The following DMXL1 variants were observed in gnomAD, a reference collection of about 807,000 sequenced individuals.
DMXL1 encodes the protein dmX-like protein 1.
Under a neutral mutation model 319.2 loss-of-function variants are expected in DMXL1, and 99 were observed. The ratio of observed to expected loss-of-function variants is 0.31; its 90% CI spans 0.26 to 0.37. The LOEUF (loss-of-function observed/expected upper bound fraction) is 0.37. DMXL1 is among the 10% of genes least tolerant of loss of function. DMXL1 has a pLI of 1.00. For missense variants in DMXL1, 3,745 were observed against 3,595.6 expected (o/e 1.04, Z -1.06); for synonymous variants, 1,385 against 1,235.2 (o/e 1.12, Z -2.54).
intron 19 of DMXL1, chr5:119,154,563 T>C (rs2150165078): frequency 1.2e-5 from 2 of 160,790 alleles, no homozygotes; most frequent in East Asian, 1.8e-4. Context: ...ACAATTAAAG[T>C]TTGAAGCTAG....
At chr5:119,127,808 A>T (rs911281885) in intron 9 of DMXL1, 1 of 266,510 alleles carries the variant, frequency 3.8e-6, no homozygotes, top group African/African-American at 2.3e-5. Flanking sequence ...ATTTAATTTT[A>T]TGTTCTTAGA....
chr5:119,223,588 A>C (rs952083435), intron 37 of DMXL1, among the ~76,000 whole-genome samples: 3 of 152,178 alleles, frequency 2.0e-5, no homozygotes, highest in African/African-American at 7.2e-5. Context: ...ATTTCGGATA[A>C]CTGTGATTTG....
intron 19 of DMXL1, 142 bp from the exon 20 acceptor site, chr5:119,164,365 A>C: frequency 2.7e-6 from 2 of 748,036 alleles, no homozygotes; most frequent in Non-Finnish European, 4.1e-6. Context: ...GGAAAAACTT[A>C]AAAAAGCCCA....
At chr5:119,199,624 T>C (rs1345082586) in intron 32 of DMXL1, among the ~76,000 whole-genome samples, 1 of 152,222 alleles carries the variant, frequency 6.6e-6, no homozygotes, top group East Asian at 1.9e-4. Context: ...TGTTTTTAGC[T>C]CTTTGAGGAA....
chr5:119,125,301 T>A (rs1213556129), intron 9 of DMXL1, among the ~76,000 whole-genome samples: 1 of 152,186 alleles, frequency 6.6e-6, no homozygotes, highest in Non-Finnish European at 1.5e-5. Context: ...AAAGATTGAT[T>A]CATTAGCTTT....
At chr5:119,228,066 C>T (rs1489451419) in intron 38 of DMXL1, among the ~76,000 whole-genome samples, 6 of 152,054 alleles carry the variant, frequency 3.9e-5, no homozygotes, top group Non-Finnish European at 8.8e-5. Context: ...ATTAAAAAAC[C>T]ATAGATTTTC....
chr5:119,178,665 C>T (rs1776267525), intron 28 of DMXL1: 9 of 985,140 alleles, frequency 9.1e-6, no homozygotes, highest in Non-Finnish European at 1.1e-5. Flanking sequence ...GCCATCAGTT[C>T]TCATAGCCCT....
At chr5:119,086,027 T>A (rs920198589) in intron 1 of DMXL1, among the ~76,000 whole-genome samples, 36 of 152,190 alleles carry the variant, frequency 2.4e-4, no homozygotes, top group Middle Eastern at 3.2e-3. Context: ...ATGCTGCTGA[T>A]AAAGACATAC....
At chr5:119,236,144 T>G (rs890805734) in intron 39 of DMXL1, among the ~76,000 whole-genome samples, 2 of 152,094 alleles carry the variant, frequency 1.3e-5, no homozygotes, top group African/African-American at 4.8e-5. Flanking sequence ...GCCTTCTACC[T>G]TCACTAATAA....
At chr5:119,123,541 C>T (rs1345982796) in intron 9 of DMXL1, among the ~76,000 whole-genome samples, 2 of 152,090 alleles carry the variant, frequency 1.3e-5, no homozygotes, top group African/African-American at 4.8e-5. Flanking sequence ...AAGGCCATGA[C>T]TTGACTTGTG....
At chr5:119,103,305 C>G (rs948844135) in intron 3 of DMXL1, among the ~76,000 whole-genome samples, 4 of 152,160 alleles carry the variant, frequency 2.6e-5, no homozygotes, top group Admixed American at 1.3e-4. Context: ...AAGGACTAAA[C>G]TGTTTTAATA....
chr5:119,116,660 T>G (rs1760912059), intron 7 of DMXL1, among the ~76,000 whole-genome samples: 1 of 152,246 alleles, frequency 6.6e-6, no homozygotes. Flanking sequence ...GATTGTTGTT[T>G]GTTTATATTT....
intron 19 of DMXL1, among the ~76,000 whole-genome samples, chr5:119,155,826 C>CAAAAAAAAA (rs35851317): frequency 3.5e-5 from 3 of 84,840 alleles, no homozygotes; most frequent in Non-Finnish European, 7.5e-5. Flanking sequence ...GACCCTGTCT[C>CAAAAAAAAA]AAAAAAAAAA....
In DMXL1 at chr5:119,203,324, A is replaced by G; in HGVS notation, c.7751A>G (p.Lys2584Arg). ...LEPTNTPFKS[K>R]HHLALSVKRL... ...TTTGCTGTCTCTCTCTGTAGATCCA[A>G]ACACCATCTGGCACTGTCTGTGAAG... Residue 2584 changes from lysine (K) to arginine (R), a missense_variant, in exon 33 of 44, where the codon AAA (lysine) becomes AGA (arginine). This residue lies in a region of DMXL1 where 1,382 missense variants were observed against 1,269.5 expected (regional missense o/e 1.09). Coordinates refer to ENST00000539542, the MANE Select transcript of DMXL1 (RefSeq NM_001290321.3). 1.9e-6 allele frequency: 3 copies of G among 1,572,516 alleles called. No individual in the cohort carries two copies. Among genetic ancestry groups the G allele is most frequent in the African/African-American group, 1.4e-5 (1 of 72,902 alleles).
Position 119,144,658 on chromosome 5 carries a change from G to A in DMXL1, c.2569+20G>A. On this transcript the variant is annotated intron_variant, in intron 15 of 43. Transcript: ENST00000539542. Reference sequence around the variant, plus strand: ...ATGCAGGTAAGGAAGAATTATTTATGGAATGAGAAATACTATGTACAGTAT... The same window carrying A: ...ATGCAGGTAAGGAAGAATTATTTATAGAATGAGAAATACTATGTACAGTAT... 6.8e-7 allele frequency: 1 copy of A among 1,466,330 alleles called. No individual in the cohort carries two copies. The highest frequency in any genetic ancestry group is 2.0e-5 in the Admixed American group (1 of 49,592). The allele number at this position is 1,466,330 out of a possible 1,614,324, so 90.8% of individuals were successfully genotyped here.
Position 119,171,020 on chromosome 5 carries a change from T to C in DMXL1, c.6229T>C (p.Cys2077Arg), listed in dbSNP as rs1232776027. ...AGCTCTTCAGAGGACTTGTGACTTTTGCTCAGATGCTGAAGAACTACAGTC... is the reference window on the plus strand; with the variant it reads ...AGCTCTTCAGAGGACTTGTGACTTTCGCTCAGATGCTGAAGAACTACAGTC... ...VIALQRTCDFCSDAEELQSAF... is the reference protein window; with the variant it reads ...VIALQRTCDFRSDAEELQSAF... The change falls in exon 24 of 44, where the codon TGC (cysteine) becomes CGC (arginine). Residue 2077 changes from cysteine to arginine, a missense_variant. Cys to Arg is a radical substitution (Grantham distance 180, BLOSUM62 -3). This residue lies in a region of DMXL1 where 1,382 missense variants were observed against 1,269.5 expected (regional missense o/e 1.09). Coordinates refer to ENST00000539542, the MANE Select transcript of DMXL1 (RefSeq NM_001290321.3). The C allele has an allele frequency of 6.2e-7, 1 of 1,613,920 alleles. No homozygotes were observed.
chr5:119,228,345 C>T (rs1467597693), intron 38 of DMXL1, among the ~76,000 whole-genome samples: 2 of 152,134 alleles, frequency 1.3e-5, no homozygotes, highest in Admixed American at 6.6e-5. Context: ...TGACAAAAGA[C>T]TTAACATGGC....
At chr5:119,186,214 C>G (rs964291793) in intron 28 of DMXL1, among the ~76,000 whole-genome samples, 9 of 152,122 alleles carry the variant, frequency 5.9e-5, no homozygotes, top group Admixed American at 1.3e-4. Flanking sequence ...GATATGGGTG[C>G]CTTAGATTGA....
intron 2 of DMXL1, among the ~76,000 whole-genome samples, chr5:119,098,567 CA>C (rs1161659796): frequency 3.3e-5 from 5 of 151,654 alleles, no homozygotes; most frequent in Non-Finnish European, 1.5e-5. Flanking sequence ...ATTCTAAGCC[CA>C]TAAGAAAAGT....
Sources: allele counts gnomAD v4.1 joint callset (sites outside exome capture counted in the v4.1 genomes callset), GRCh38; gene constraint gnomAD v4.1.1; regional missense constraint gnomAD v4.1.1; transcripts MANE v1.5; gene names NCBI Gene and HGNC (gene_info 2026-07-23, HGNC 2026-07-21).